CDH12: variants seen among roughly 807,000 people sequenced by gnomAD.
CDH12 encodes cadherin-12.
CDH12 carries 41 observed loss-of-function variants against 74.1 expected under a neutral mutation model. That is an observed-to-expected ratio of 0.55 (90% CI 0.43 to 0.72). CDH12 has a LOEUF of 0.72. CDH12 is among the 30% of genes least tolerant of loss of function. CDH12 has a pLI of 0.00. For synonymous variants in CDH12, 399 were observed against 355.0 expected, an observed-to-expected ratio of 1.12 and a Z score of -1.39; for missense variants, 945 against 977.2, an observed-to-expected ratio of 0.97 and a Z score of 0.44.
chr5:22,327,019 T>C (rs1739140639), intron 3 of CDH12, among the ~76,000 whole-genome samples: 1 of 152,024 alleles, frequency 6.6e-6, no homozygotes, highest in Admixed American at 6.6e-5. Flanking sequence ...TTTGGGGGAT[T>C]TTTTTTTATT....
chr5:22,387,242 A>C (rs1039363397), intron 3 of CDH12, among the ~76,000 whole-genome samples: 2 of 152,046 alleles, frequency 1.3e-5, no homozygotes, highest in African/African-American at 2.4e-5. Context: ...TAAAAATTGT[A>C]ATGTACATTT....
chr5:21,815,470 A>T (rs1238641107), intron 9 of CDH12, among the ~76,000 whole-genome samples: 1 of 152,150 alleles, frequency 6.6e-6, no homozygotes, highest in East Asian at 1.9e-4. Context: ...TCTCACATTA[A>T]CAGACTCCTT....
At chr5:22,362,283 C>T (rs957280031) in intron 3 of CDH12, among the ~76,000 whole-genome samples, 2 of 152,096 alleles carry the variant, frequency 1.3e-5, no homozygotes, top group African/African-American at 2.4e-5. Flanking sequence ...TATGAACAGA[C>T]ACTTCTCAAA....
At chr5:22,181,994 T>G (rs557586635) in intron 4 of CDH12, among the ~76,000 whole-genome samples, 1 of 152,192 alleles carries the variant, frequency 6.6e-6, no homozygotes, top group African/African-American at 2.4e-5. Context: ...TCTGCTGCAC[T>G]CCATGCACTC....
chr5:22,657,272 C>A (rs765860165), intron 1 of CDH12, among the ~76,000 whole-genome samples: 1 of 152,010 alleles, frequency 6.6e-6, no homozygotes, highest in African/African-American at 2.4e-5. Context: ...GAAATGGGTA[C>A]GAGGATGCTT....
chr5:22,243,868 T>C (rs890571486), intron 3 of CDH12, among the ~76,000 whole-genome samples: 3 of 152,196 alleles, frequency 2.0e-5, no homozygotes, highest in Non-Finnish European at 4.4e-5. Flanking sequence ...TTTAAGTTCA[T>C]ACAAGAACGA....
At chr5:21,816,894 C>G in intron 9 of CDH12, 51 bp downstream of exon 9, 1 of 1,147,340 alleles carries the variant, frequency 8.7e-7, no homozygotes, top group Non-Finnish European at 1.2e-6. Flanking sequence ...TATTTTTTAT[C>G]TTCTTTAATT....
chr5:22,658,573 A>C (rs1015090200), intron 1 of CDH12, among the ~76,000 whole-genome samples: 1 of 152,092 alleles, frequency 6.6e-6, no homozygotes, highest in Non-Finnish European at 1.5e-5. Flanking sequence ...TTCCTCACCA[A>C]TCCTACATTT....
chr5:21,765,110 C>T lies in CDH12; in HGVS notation c.1394-11G>A, dbSNP rs545436714. ...TCAATAAAGGGTTACCTGTTAAAAA[C>T]ATATAAAGATAAAAGATGATTACAA... On this transcript the variant is annotated splice_polypyrimidine_tract_variant and intron_variant, in intron 11 of 14. Transcript: ENST00000382254. 769 of 1,530,362 alleles carry T rather than the reference C, an allele frequency of 5.0e-4. 18 individuals carry two copies. The South Asian group carries it at 8.4e-3, about 17-fold the overall frequency. The allele number at this position is 1,530,362 out of a possible 1,614,324, so 94.8% of individuals were successfully genotyped here. A position where few individuals can be genotyped will look rare whatever the true frequency, so the allele number is the denominator to read the frequency against.
intron 4 of CDH12, among the ~76,000 whole-genome samples, chr5:22,083,855 C>T (rs950295354): frequency 4.6e-5 from 7 of 152,072 alleles, no homozygotes; most frequent in African/African-American, 1.7e-4. Context: ...GAATATGTGC[C>T]CGCAAACTTG....
chr5:22,465,668 T>C (rs188841319), intron 2 of CDH12, among the ~76,000 whole-genome samples: 18 of 151,846 alleles, frequency 1.2e-4, no homozygotes, highest in Admixed American at 1.2e-3. Context: ...ACAAAAAACA[T>C]GTAAGAACAG....
rs546393983 is a variant in CDH12, at chr5:22,725,601, T to TTTATA, written c.-523+127456_-523+127457insTATAA. ...GGCAGGTCCTTCAAGCCATTTTTTT[T>TTTATA]TATATATATAAGGACACTAATCTCA... On this transcript the variant is annotated intron_variant, in intron 1 of 14. Transcript: ENST00000382254. 5.3e-5 allele frequency among the ~76,000 whole-genome samples: 8 copies of TTTATA among 151,376 alleles called. 1 individual carries two copies. The highest frequency in any genetic ancestry group is 2.6e-4 in the Admixed American group (4 of 15,166).
At chr5:22,428,076 C>T (rs1158977711) in intron 2 of CDH12, among the ~76,000 whole-genome samples, 1 of 152,044 alleles carries the variant, frequency 6.6e-6, no homozygotes, top group Non-Finnish European at 1.5e-5. Flanking sequence ...TCAGTGGTTA[C>T]ATTGAAGAGC....
At chr5:22,656,449 A>G (rs778231689) in intron 1 of CDH12, among the ~76,000 whole-genome samples, 24 of 152,232 alleles carry the variant, frequency 1.6e-4, no homozygotes, top group Non-Finnish European at 2.9e-4. Context: ...AGAGAACACA[A>G]ATTAAGACAA....
At chr5:22,601,674 G>A (rs147583861) in intron 1 of CDH12, among the ~76,000 whole-genome samples, 21 of 151,930 alleles carry the variant, frequency 1.4e-4, no homozygotes, top group South Asian at 2.1e-4. Flanking sequence ...CTTTCTTTAC[G>A]TGTGTAATTT....
intron 3 of CDH12, among the ~76,000 whole-genome samples, chr5:22,291,543 T>C (rs1346414044): frequency 6.6e-6 from 1 of 152,146 alleles, no homozygotes; most frequent in Non-Finnish European, 1.5e-5. Flanking sequence ...AAATCAGTAA[T>C]GTTTGTATGC....
At chr5:22,345,951 A>G (rs1429562958) in intron 3 of CDH12, among the ~76,000 whole-genome samples, 1 of 151,972 alleles carries the variant, frequency 6.6e-6, no homozygotes, top group Non-Finnish European at 1.5e-5. Context: ...TAAAAATACA[A>G]AAAAATTAGC....
intron 1 of CDH12, among the ~76,000 whole-genome samples, chr5:22,605,690 G>A (rs920098747): frequency 6.6e-6 from 1 of 152,254 alleles, no homozygotes; most frequent in African/African-American, 2.4e-5. Context: ...ATTCCCCACA[G>A]GCCTTGCCTG....
At chr5:22,206,025 G>C (rs570630191) in intron 4 of CDH12, among the ~76,000 whole-genome samples, 1 of 151,722 alleles carries the variant, frequency 6.6e-6, no homozygotes, top group South Asian at 2.1e-4. Context: ...TCTCAATTTT[G>C]ACCTGGTTCA....
Sources: gnomAD v4.1 joint callset for allele counts (sites outside exome capture counted in the v4.1 genomes callset) on GRCh38, gnomAD v4.1.1 for gene constraint, MANE v1.5 for transcripts, NCBI Gene and HGNC (gene_info 2026-07-23, HGNC 2026-07-21) for gene names.